The following RHOQ variants were observed in gnomAD, a reference collection of about 807,000 sequenced individuals.
RHOQ encodes the protein rho-related GTP-binding protein RhoQ.
In RHOQ, 7 loss-of-function variants were observed where a neutral mutation model predicts 25.8. That is an observed-to-expected ratio of 0.27 (90% confidence interval 0.15 to 0.51). RHOQ has a LOEUF of 0.51. Ranked by LOEUF, RHOQ falls within the 20% of genes least tolerant of loss-of-function variation. RHOQ has a pLI of 0.97. For missense variants in RHOQ, 165 were observed against 260.6 expected (o/e 0.63, Z 2.53); for synonymous variants, 97 against 98.6 (o/e 0.98, Z 0.10).
intron 2 of RHOQ, among the ~76,000 whole-genome samples, chr2:46,572,467 G>C (rs1413398710): frequency 6.6e-6 from 1 of 152,134 alleles, no homozygotes; most frequent in Non-Finnish European, 1.5e-5. Flanking sequence ...ACAAGGGACA[G>C]CCTGAACACT....
chr2:46,545,218 G>A (rs1386766277), intron 2 of RHOQ, among the ~76,000 whole-genome samples: 2 of 152,192 alleles, frequency 1.3e-5, no homozygotes, highest in African/African-American at 4.8e-5. Context: ...TGGAGGATGT[G>A]GAGGGCAAGG....
At chr2:46,570,965 A>G (rs1208912491) in intron 2 of RHOQ, among the ~76,000 whole-genome samples, 2 of 152,220 alleles carry the variant, frequency 1.3e-5, no homozygotes, top group African/African-American at 4.8e-5. Context: ...ATACATTCCT[A>G]TAGTACTTTA....
rs1051112650 is a variant in RHOQ at position 46,549,154 on chromosome 2, C to T, written c.201+5342C>T. ...CTCCTGAGGTTTGGTGACATTCCCACGCTTTGAACGACAGCTTCCCCGCAG... is the reference window on the plus strand; with the variant it reads ...CTCCTGAGGTTTGGTGACATTCCCATGCTTTGAACGACAGCTTCCCCGCAG... On this transcript the variant is annotated intron_variant, in intron 2 of 4. Transcript: ENST00000238738. Among the ~76,000 whole-genome samples the T allele has an allele frequency of 7.9e-5, 12 of 152,166 alleles. No individual in the cohort carries two copies. The East Asian group carries it at 1.5e-3, about 20-fold the overall frequency.
In RHOQ at chr2:46,569,889, C is replaced by A. The variant is rs922320689; in HGVS notation, c.202-6198C>A. On this transcript the variant is annotated intron_variant, in intron 2 of 4. Coordinates refer to ENST00000238738, the MANE Select transcript of RHOQ (RefSeq NM_012249.4). The surrounding 1 kb of genome is among the most constrained non-coding windows in gnomAD (Gnocchi z 4.1). ...ACAGTGACCTCTTAAGAATTTATAG[C>A]ACCTAAAAAAACCTTTCTCTTCCCC... 6.6e-6 allele frequency among the ~76,000 whole-genome samples: 1 copy of A among 152,130 alleles called. No individual in the cohort carries two copies. The highest frequency in any genetic ancestry group is 1.9e-4 in the East Asian group (1 of 5,198).
intron 2 of RHOQ, among the ~76,000 whole-genome samples, chr2:46,544,291 A>G (rs140447180): frequency 6.6e-6 from 1 of 152,108 alleles, no homozygotes; most frequent in Admixed American, 6.5e-5. Context: ...ACATCATTGC[A>G]CTCTGGGACT....
intron 2 of RHOQ, among the ~76,000 whole-genome samples, chr2:46,551,218 C>T (rs564745524): frequency 7.9e-4 from 121 of 152,328 alleles, no homozygotes; most frequent in Admixed American, 1.7e-3. Flanking sequence ...AAGGGATTTC[C>T]TCAGCCCTCA....
chr2:46,562,219 A>T (rs939705213), intron 2 of RHOQ, among the ~76,000 whole-genome samples: 1 of 152,006 alleles, frequency 6.6e-6, no homozygotes, highest in African/African-American at 2.4e-5. Context: ...TGCCAGCCCA[A>T]CTGCTCCAGT....
At chr2:46,572,123 T>TG (rs1558691106) in intron 2 of RHOQ, among the ~76,000 whole-genome samples, 8 of 139,820 alleles carry the variant, frequency 5.7e-5, no homozygotes, top group African/African-American at 8.4e-5. Flanking sequence ...TTTTTTTTTT[T>TG]TTTTTTTTTT....
intron 2 of RHOQ, among the ~76,000 whole-genome samples, chr2:46,572,107 GTTTTTTTTTTTTTT>G (rs746265771): frequency 1.5e-5 from 1 of 66,254 alleles, no homozygotes; most frequent in East Asian, 3.8e-4. Context: ...GTAAGTGTGT[GTTTTTTTTTTTTTT>G]TTTTTTTTTT....
rs1668694978 is a variant in RHOQ, at chr2:46,565,228, G to T, written c.202-10859G>T. Among the ~76,000 whole-genome samples, 5 of 152,160 alleles carry T rather than the reference G, an allele frequency of 3.3e-5. No homozygotes were observed. The South Asian group carries it at 8.3e-4, about 25-fold the overall frequency. ...CAATGATTGGCTTAATCCAACCAGG[G>T]ACTCTCTATATAGCTAAGTATGGGG... On this transcript the variant is annotated intron_variant, in intron 2 of 4. Coordinates refer to ENST00000238738, the MANE Select transcript of RHOQ (RefSeq NM_012249.4).
rs760468971 is a variant in RHOQ, at chr2:46,583,910, G to T, written c.*2827G>T. On this transcript the variant is annotated 3_prime_UTR_variant, in exon 5 of 5. Transcript: ENST00000238738. ...TTGCATATAGAGAATTAGTTCTAAA[G>T]TTCTTAAAAATAAATTTAGGGGCTC... Among the ~76,000 whole-genome samples, 8 of 152,234 alleles carry T rather than the reference G, an allele frequency of 5.3e-5. No homozygotes were observed. The highest frequency in any genetic ancestry group is 1.3e-4 in the Admixed American group (2 of 15,286).
chr2:46,561,246 G>A (rs1190751348), intron 2 of RHOQ, among the ~76,000 whole-genome samples: 1 of 116,504 alleles, frequency 8.6e-6, no homozygotes, highest in East Asian at 2.0e-4. Context: ...CATTGGCCAG[G>A]CAGGAAGAGT....
chr2:46,578,089 C>T (rs36013918), intron 4 of RHOQ, among the ~76,000 whole-genome samples: 8,132 of 152,094 alleles, frequency 0.053, 289 homozygotes, highest in Middle Eastern at 0.11. Context: ...AATGGGCTAA[C>T]AATGAAAAAT....
chr2:46,546,922 T>A (rs1416382252), intron 2 of RHOQ, among the ~76,000 whole-genome samples: 1 of 152,174 alleles, frequency 6.6e-6, no homozygotes, highest in Non-Finnish European at 1.5e-5. Flanking sequence ...GTGCAACAGC[T>A]TTGCGCATTG....
rs1187714187 is a variant in RHOQ at position 46,569,364 on chromosome 2, A to G, written c.202-6723A>G. On this transcript the variant is annotated intron_variant, in intron 2 of 4. Coordinates refer to ENST00000238738, the MANE Select transcript of RHOQ (RefSeq NM_012249.4). This position sits in a 1 kb window ranked among gnomAD's most constrained non-coding sequence, Gnocchi z 4.1. ...AACCTCCTCCCACATTAAATCTGCT[A>G]GTAGGGCTGCTCACAAGGGTAAGAA... The G allele has an allele frequency of 1.3e-5, 2 of 152,216 alleles. No individual in the cohort carries two copies. The highest frequency in any genetic ancestry group is 2.9e-5 in the Non-Finnish European group (2 of 68,046). The allele number at this position is 152,216 out of a possible 1,614,324, so 9.4% of individuals were successfully genotyped here.
chr2:46,570,093 C>T (rs1352357790), intron 2 of RHOQ, among the ~76,000 whole-genome samples: 1 of 152,128 alleles, frequency 6.6e-6, no homozygotes, highest in African/African-American at 2.4e-5. Context: ...ATTTTCATTT[C>T]ACAAAGTTAA....
chr2:46,557,958 G>A (rs1668455429), intron 2 of RHOQ, among the ~76,000 whole-genome samples: 1 of 152,144 alleles, frequency 6.6e-6, no homozygotes, highest in Admixed American at 6.5e-5. Context: ...TCACAGCTGA[G>A]CCATGTAGTG....
intron 2 of RHOQ, among the ~76,000 whole-genome samples, chr2:46,572,948 A>G (rs1668983567): frequency 2.0e-5 from 3 of 152,238 alleles, no homozygotes; most frequent in Non-Finnish European, 4.4e-5. Context: ...ACCATTTTAT[A>G]TGATGCAGGG....
intron 2 of RHOQ, among the ~76,000 whole-genome samples, chr2:46,571,423 A>G (rs1273431149): frequency 2.0e-5 from 3 of 152,218 alleles, no homozygotes; most frequent in Non-Finnish European, 2.9e-5. Context: ...CTGCACATTC[A>G]AGTGCATTGC....
Sources: gnomAD v4.1 joint callset for allele counts (sites outside exome capture counted in the v4.1 genomes callset) on GRCh38, gnomAD v4.1.1 for gene constraint, Gnocchi (gnomAD v3.1) non-coding constraint, MANE v1.5 for transcripts, NCBI Gene and HGNC (gene_info 2026-07-23, HGNC 2026-07-21) for gene names.